ATP9A: variants seen among roughly 807,000 people sequenced by gnomAD.
ATP9A encodes ATPase phospholipid transporting 9A.
Under a neutral mutation model 144.1 loss-of-function variants are expected in ATP9A, and 52 were observed. The ratio of observed to expected loss-of-function variants is 0.36; its 90% CI spans 0.29 to 0.45. ATP9A has a LOEUF of 0.45. Ranked by LOEUF, ATP9A falls within the 20% of genes least tolerant of loss-of-function variation. The probability of loss-of-function intolerance (pLI) is 1.00; values close to 1 mark genes in which losing one functional copy is unlikely to be tolerated. For synonymous variants in ATP9A, 582 were observed against 557.4 expected (o/e 1.04, Z -0.62); for missense variants, 947 against 1,392.7 (o/e 0.68, Z 5.09).
intron 1 of ATP9A, among the ~76,000 whole-genome samples, chr20:51,745,349 C>T (rs191088707): frequency 4.0e-5 from 6 of 149,932 alleles, no homozygotes; most frequent in Admixed American, 2.7e-4. Context: ...GCAGGAGAAT[C>T]GCTTGAACCC....
Position 51,693,629 on chromosome 20 carries a change from G to C in ATP9A, c.642+379C>G, listed in dbSNP as rs564616394. Among the ~76,000 whole-genome samples the C allele has an allele frequency of 1.4e-4, 21 of 152,034 alleles. 3 individuals carry two copies. The highest frequency in any genetic ancestry group is 2.0e-4 in the Admixed American group (3 of 15,274). On this transcript the variant is annotated intron_variant, in intron 7 of 27. Transcript: ENST00000338821. The stretch of plus-strand genomic sequence containing the variant: ...CATGGCTCACTGCAGCCTCGAACCC[G>C]CAGGCTTAAGCAATCCTCCCGACTC...
chr20:51,602,896 C>T (rs143227106), intron 27 of ATP9A, among the ~76,000 whole-genome samples: 92 of 152,176 alleles, frequency 6.0e-4, no homozygotes, highest in African/African-American at 7.7e-4. Flanking sequence ...CTCCTTTATA[C>T]GTAAAAGGTT....
chr20:51,762,159 G>A (rs2077883564), intron 1 of ATP9A, among the ~76,000 whole-genome samples: 1 of 152,106 alleles, frequency 6.6e-6, no homozygotes, highest in Non-Finnish European at 1.5e-5. Flanking sequence ...GAGGTCAGGA[G>A]TTCAAGGCCA....
intron 15 of ATP9A, among the ~76,000 whole-genome samples, chr20:51,636,230 G>A (rs1477937269): frequency 6.6e-6 from 1 of 152,208 alleles, no homozygotes; most frequent in Admixed American, 6.5e-5. Context: ...GGTAGATGGC[G>A]TGAGTACACT....
chr20:51,658,288 T>C (rs1292877848), intron 13 of ATP9A, among the ~76,000 whole-genome samples: 1 of 152,038 alleles, frequency 6.6e-6, no homozygotes, highest in Non-Finnish European at 1.5e-5. Flanking sequence ...GGTAAAACCC[T>C]GTCTCTACAA....
intron 3 of ATP9A, among the ~76,000 whole-genome samples, chr20:51,718,372 G>T (rs2077671528): frequency 7.1e-6 from 1 of 140,098 alleles, no homozygotes; most frequent in South Asian, 2.7e-4. Context: ...CTATGTGTGT[G>T]TGGGGGGGGG....
At chr20:51,637,997 T>A (rs1326900884) in intron 15 of ATP9A, among the ~76,000 whole-genome samples, 3 of 144,962 alleles carry the variant, frequency 2.1e-5, no homozygotes, top group African/African-American at 7.6e-5. Context: ...TAGATAATAG[T>A]CCCCAATCCC....
chr20:51,626,615 G>A (rs535144157), intron 17 of ATP9A, among the ~76,000 whole-genome samples: 12 of 151,918 alleles, frequency 7.9e-5, no homozygotes, highest in Non-Finnish European at 1.8e-4. Context: ...TTTGAGACCA[G>A]CCTGGGCAGC....
intron 9 of ATP9A, among the ~76,000 whole-genome samples, chr20:51,677,106 GTT>G (rs1049010340): frequency 6.7e-6 from 1 of 150,184 alleles, no homozygotes; most frequent in Non-Finnish European, 1.5e-5. Flanking sequence ...GCTAATTTTT[GTT>G]TTTTTTGTAG....
At chr20:51,680,089 G>C (rs1167206639) in intron 9 of ATP9A, among the ~76,000 whole-genome samples, 2 of 152,020 alleles carry the variant, frequency 1.3e-5, no homozygotes, top group African/African-American at 4.8e-5. Flanking sequence ...AATTATACAG[G>C]CGTGGTGATG....
At chr20:51,657,644 G>A (rs1307964795) in intron 13 of ATP9A, among the ~76,000 whole-genome samples, 1 of 152,194 alleles carries the variant, frequency 6.6e-6, no homozygotes, top group Non-Finnish European at 1.5e-5. Context: ...GTCCAATAGA[G>A]GCCAAAATCA....
At chr20:51,602,169 G>GC (rs896771172) in intron 27 of ATP9A, among the ~76,000 whole-genome samples, 5 of 152,016 alleles carry the variant, frequency 3.3e-5, no homozygotes, top group Non-Finnish European at 7.4e-5. Context: ...ATGGAAGGTG[G>GC]GGGGGGCGGG....
At chr20:51,666,012 C>A (rs559147991) in intron 13 of ATP9A, among the ~76,000 whole-genome samples, 4 of 152,286 alleles carry the variant, frequency 2.6e-5, no homozygotes, top group African/African-American at 9.6e-5. Context: ...GAATTCCAGC[C>A]CCTTCCGCAG....
chr20:51,618,844 G>C, intron 20 of ATP9A, 38 bp from the exon 21 acceptor site: 1 of 1,580,004 alleles, frequency 6.3e-7, no homozygotes, highest in Non-Finnish European at 8.6e-7. Context: ...TTGGTGGAGG[G>C]AGAGGTGGTG....
chr20:51,666,659 AAC>A (rs2077434115), intron 13 of ATP9A, among the ~76,000 whole-genome samples: 1 of 149,916 alleles, frequency 6.7e-6, no homozygotes, highest in African/African-American at 2.5e-5. Flanking sequence ...CAGCCTGGGC[AAC>A]AGAGTGAGAC....
intron 15 of ATP9A, among the ~76,000 whole-genome samples, chr20:51,629,819 G>A (rs760833070): frequency 1.3e-5 from 2 of 152,204 alleles, no homozygotes. Flanking sequence ...AGCTGGACAA[G>A]CTACTCCTCT....
At chr20:51,740,689 C>T (rs1166908371) in intron 1 of ATP9A, among the ~76,000 whole-genome samples, 2 of 149,972 alleles carry the variant, frequency 1.3e-5, no homozygotes, top group Non-Finnish European at 3.0e-5. Flanking sequence ...TTGCCTCAGC[C>T]TCCCACGTGG....
intron 3 of ATP9A, among the ~76,000 whole-genome samples, chr20:51,723,014 TCGA>T (rs2077696307): frequency 6.6e-6 from 1 of 152,100 alleles, no homozygotes; most frequent in African/African-American, 2.4e-5. Flanking sequence ...TGCCCATCAA[TCGA>T]CGAGTGGATA....
intron 18 of ATP9A, among the ~76,000 whole-genome samples, chr20:51,624,567 G>T (rs1457558014): frequency 6.6e-6 from 1 of 152,160 alleles, no homozygotes; most frequent in African/African-American, 2.4e-5. Context: ...ACGGCAGACA[G>T]ACCGGCGTGC....
Sources: gnomAD v4.1 joint callset for allele counts (sites outside exome capture counted in the v4.1 genomes callset) on GRCh38, gnomAD v4.1.1 for gene constraint, MANE v1.5 for transcripts, NCBI Gene and HGNC (gene_info 2026-07-23, HGNC 2026-07-21) for gene names.